LARS1: variants seen among roughly 807,000 people sequenced by gnomAD.
LARS1 encodes leucyl-tRNA synthetase 1.
LARS1 carries 100 observed loss-of-function variants against 162.8 expected under a neutral mutation model. The observed-to-expected ratio is 0.61, with a 90% CI of 0.52 to 0.73. The LOEUF is 0.73. LARS1 is among the 30% of genes least tolerant of loss of function. The pLI, the probability that LARS1 is intolerant of heterozygous loss-of-function variation, is 0.00. For missense variants in LARS1, 1,258 were observed against 1,408.9 expected (o/e 0.89, Z 1.71); for synonymous variants, 457 against 462.8 (o/e 0.99, Z 0.16).
intron 1 of LARS1, 175 bp downstream of exon 1, chr5:146,182,312 CA>C: frequency 1.3e-6 from 1 of 741,110 alleles, no homozygotes; most frequent in Non-Finnish European, 2.4e-6. Context: ...AGTTAACAGA[CA>C]TCAGTTCGTG....
chr5:146,125,864 G>A (rs1253427870), intron 28 of LARS1, among the ~76,000 whole-genome samples: 1 of 151,900 alleles, frequency 6.6e-6, no homozygotes, highest in Non-Finnish European at 1.5e-5. Flanking sequence ...TGCCCCCAGC[G>A]GACATTTGGC....
At chr5:146,161,061 A>T (rs1355884725) in intron 6 of LARS1, among the ~76,000 whole-genome samples, 1 of 152,232 alleles carries the variant, frequency 6.6e-6, no homozygotes, top group Admixed American at 6.5e-5. Context: ...AACAAGTCAC[A>T]CAAATTTTTT....
In LARS1 at chr5:146,163,701, A is replaced by C. The variant is rs373698366; in HGVS notation, c.594+609T>G. 9.9e-5 allele frequency among the ~76,000 whole-genome samples: 15 copies of C among 152,260 alleles called. No individual in the cohort carries two copies. The East Asian group carries it at 1.9e-3, about 20-fold the overall frequency. ...ACTCCATCTCAAAAAAACAAACAAA[A>C]AAAAAGAACTTTTCTTTGCATTCAT... On this transcript the variant is annotated intron_variant, in intron 6 of 31. Coordinates refer to ENST00000394434, the MANE Select transcript of LARS1 (RefSeq NM_020117.11).
intron 2 of LARS1, among the ~76,000 whole-genome samples, chr5:146,174,189 C>T (rs916762501): frequency 2.8e-5 from 4 of 141,612 alleles, no homozygotes; most frequent in Non-Finnish European, 6.0e-5. Context: ...GTGGCTCACA[C>T]CTCTAATCCC....
At chr5:146,138,974 G>A in intron 21 of LARS1, 2 of 368,904 alleles carry the variant, frequency 5.4e-6, no homozygotes, top group Non-Finnish European at 1.1e-5. Flanking sequence ...ATTGGACACA[G>A]AATCGGAGTG....
intron 28 of LARS1, among the ~76,000 whole-genome samples, chr5:146,124,664 T>A (rs941588109): frequency 2.6e-5 from 4 of 151,942 alleles, no homozygotes; most frequent in African/African-American, 9.7e-5. Context: ...AGTCAATATT[T>A]GCTGTGCAAA....
rs749520701 is a variant in LARS1 at position 146,156,421 on chromosome 5, C to T, written c.1065+982G>A. ...ATAATACAGTAGATAAGGCTGGGTA[C>T]AGTGGCTTACGCCTGTAATCCCTGC... On this transcript the variant is annotated intron_variant, in intron 10 of 31. Transcript: ENST00000394434. Among the ~76,000 whole-genome samples the T allele has an allele frequency of 2.0e-5, 3 of 152,180 alleles. No individual in the cohort carries two copies. In the South Asian group the frequency reaches 6.2e-4, roughly 31 times the overall value.
intron 4 of LARS1, among the ~76,000 whole-genome samples, chr5:146,168,544 G>A (rs1359080181): frequency 6.6e-6 from 1 of 152,008 alleles, no homozygotes; most frequent in East Asian, 1.9e-4. Context: ...AATTAGCTGG[G>A]TGTGGTAGCA....
chr5:146,180,734 C>A (rs575569903), intron 1 of LARS1, among the ~76,000 whole-genome samples: 1 of 152,122 alleles, frequency 6.6e-6, no homozygotes, highest in Non-Finnish European at 1.5e-5. Context: ...GGCCCAAACA[C>A]CAACTTGTTG....
Position 146,157,769 on chromosome 5 carries a change from T to C in LARS1, c.798A>G (p.Leu266=), listed in dbSNP as rs149426195. Residue 266 remains leucine (L), a synonymous_variant, in exon 9 of 32, where the codon TTA becomes TTG. Coordinates refer to ENST00000394434, the MANE Select transcript of LARS1 (RefSeq NM_020117.11). ...ATGGCTCAAGCACCTTCAATTTGAG[T>C]AAAGTATATTCCTGAGGTCCAACAC... ...GEGVGPQEYT[L]LKLKVLEPYP... is the part of the protein sequence containing the mutation. 100 of 1,613,908 alleles carry C rather than the reference T, an allele frequency of 6.2e-5. No homozygotes were observed. The highest frequency in any genetic ancestry group is 7.9e-5 in the Non-Finnish European group (93 of 1,179,988).
intron 8 of LARS1, among the ~76,000 whole-genome samples, chr5:146,158,893 G>A (rs111847084): frequency 3.9e-5 from 6 of 152,166 alleles, no homozygotes; most frequent in East Asian, 1.9e-4. Flanking sequence ...TCAGGAGATC[G>A]AGACCATCCT....
At chr5:146,152,249 A>C (rs1753327146) in intron 13 of LARS1, among the ~76,000 whole-genome samples, 2 of 151,300 alleles carry the variant, frequency 1.3e-5, no homozygotes, top group South Asian at 4.2e-4. Context: ...CACCACACAC[A>C]CCTTTCCCAA....
At chr5:146,176,079 G>T (rs1305692112) in intron 2 of LARS1, among the ~76,000 whole-genome samples, 4 of 151,868 alleles carry the variant, frequency 2.6e-5, no homozygotes, top group Non-Finnish European at 4.4e-5. Context: ...TTGAGCTCGG[G>T]AGTTTGAAGT....
At chr5:146,126,683 C>G (rs1326992318) in intron 27 of LARS1, 138 bp from the exon 28 acceptor site, 4 of 590,026 alleles carry the variant, frequency 6.8e-6, no homozygotes, top group Non-Finnish European at 9.1e-6. Flanking sequence ...GCCCTAGCAT[C>G]ACGGGGAAGT....
At position 146,122,528 on chromosome 5, in the gene LARS1, G is replaced by A. The variant is rs961269971; in HGVS notation, c.3156C>T (p.Cys1052=). 3.7e-6 allele frequency: 6 copies of A among 1,607,762 alleles called. No homozygotes were observed. The highest frequency in any genetic ancestry group is 5.1e-6 in the Non-Finnish European group (6 of 1,175,506). The part of the protein sequence containing the change: ...SEAEDKIRED[C]CPGKPLNVFR... ...AAACATTAAGTGGTTTCCCAGGACA[G>A]CAGTCTTCCCTGATTTTATCTTCTG... The change falls in exon 30 of 32, where the codon TGC becomes TGT. Residue 1052 remains cysteine (C), a synonymous_variant. Transcript: ENST00000394434.
At chr5:146,165,659 T>C (rs1753973037) in intron 5 of LARS1, among the ~76,000 whole-genome samples, 1 of 67,042 alleles carries the variant, frequency 1.5e-5, no homozygotes, top group Admixed American at 1.2e-4. Flanking sequence ...ATATATGATA[T>C]AACCACACTC....
At chr5:146,136,576 G>A (rs1158376941) in intron 21 of LARS1, among the ~76,000 whole-genome samples, 7 of 151,034 alleles carry the variant, frequency 4.6e-5, no homozygotes, top group East Asian at 1.9e-4. Flanking sequence ...CGCCTCCCTC[G>A]GTTCAAGGGA....
At position 146,151,918 on chromosome 5, in the gene LARS1, G is replaced by C; in HGVS notation, c.1369C>G (p.Arg457Gly). The change falls in exon 14 of 32, where the codon CGG becomes GGG. Residue 457 changes from arginine (R) to glycine (G), a missense_variant. Coordinates refer to ENST00000394434, the MANE Select transcript of LARS1 (RefSeq NM_020117.11). The part of the protein sequence containing the change: ...DELKIQSQND[R>G]EKLAEAKEKI... ...TCCTTTGCTTCTGCAAGTTTTTCCCGGTCATTCTGGCTCTGAATTTTCAAC... is the reference window on the plus strand; with the variant it reads ...TCCTTTGCTTCTGCAAGTTTTTCCCCGTCATTCTGGCTCTGAATTTTCAAC... 4 of 1,613,848 alleles carry C rather than the reference G, an allele frequency of 2.5e-6. No individual in the cohort carries two copies. The highest frequency in any genetic ancestry group is 3.4e-6 in the Non-Finnish European group (4 of 1,179,940).
intron 23 of LARS1, chr5:146,131,872 TC>T (rs1374812953): frequency 6.6e-6 from 1 of 152,192 alleles, no homozygotes; most frequent in African/African-American, 2.4e-5. Flanking sequence ...TCCAGGTTCT[TC>T]TTAATTTGGC....
Sources: allele counts gnomAD v4.1 joint callset (sites outside exome capture counted in the v4.1 genomes callset), GRCh38; gene constraint gnomAD v4.1.1; transcripts MANE v1.5; gene names NCBI Gene and HGNC (gene_info 2026-07-23, HGNC 2026-07-21).